GRAMD1B: variants seen among roughly 807,000 people sequenced by gnomAD.
GRAMD1B encodes protein Aster-B.
Under a neutral mutation model 99.7 loss-of-function variants are expected in GRAMD1B, and 37 were observed. The observed-to-expected ratio is 0.37, with a 90% CI of 0.29 to 0.49. GRAMD1B has a LOEUF of 0.49. Among genes scored for constraint, GRAMD1B ranks in the 20% least tolerant of loss-of-function variants. The pLI, the probability that GRAMD1B is intolerant of heterozygous loss-of-function variation, is 0.98. For missense variants in GRAMD1B, 888 were observed against 1,009.2 expected (o/e 0.88, Z 1.63); for synonymous variants, 427 against 387.6 (o/e 1.10, Z -1.19).
rs1261563895 is a variant in GRAMD1B at position 123,622,499 on chromosome 11, C to T, written c.2545-7C>T. The T allele has an allele frequency of 6.5e-7, 1 of 1,537,118 alleles. No individual in the cohort carries two copies. Among genetic ancestry groups the T allele is most frequent in the Admixed American group, 1.9e-5 (1 of 51,446 alleles). Reference sequence around the variant, plus strand: ...CCAGGCCTGGGGTGGGGTTTTCTGTCTTGCAGATGAAGGACTCGCTCATCA... The same window carrying T: ...CCAGGCCTGGGGTGGGGTTTTCTGTTTTGCAGATGAAGGACTCGCTCATCA... On this transcript the variant is annotated splice_region_variant and splice_polypyrimidine_tract_variant and intron_variant, in intron 19 of 19. Coordinates refer to ENST00000635736, the MANE Select transcript of GRAMD1B (RefSeq NM_001387025.1).
At chr11:123,399,489 T>C (rs560905957) in intron 1 of GRAMD1B, among the ~76,000 whole-genome samples, 14 of 152,318 alleles carry the variant, frequency 9.2e-5, no homozygotes, top group African/African-American at 3.1e-4. Flanking sequence ...TTTATTTATT[T>C]ATTTTTTTTG....
chr11:123,586,154 G>C (rs1464352153), intron 4 of GRAMD1B, among the ~76,000 whole-genome samples: 1 of 152,168 alleles, frequency 6.6e-6, no homozygotes, highest in East Asian at 1.9e-4. Flanking sequence ...AGCAGATGCT[G>C]TCTCTTGGCT....
intron 3 of GRAMD1B, among the ~76,000 whole-genome samples, chr11:123,583,709 G>T (rs935185248): frequency 6.6e-6 from 1 of 152,006 alleles, no homozygotes; most frequent in Non-Finnish European, 1.5e-5. Context: ...CACTGGGTTG[G>T]AATGGACCCT....
chr11:123,502,443 T>C (rs1161726079), intron 2 of GRAMD1B, among the ~76,000 whole-genome samples: 4 of 152,130 alleles, frequency 2.6e-5, no homozygotes, highest in Non-Finnish European at 4.4e-5. Context: ...TGGCTTCTCT[T>C]ATACAGATGC....
chr11:123,462,898 A>AT (rs1373246756), intron 1 of GRAMD1B, among the ~76,000 whole-genome samples: 2 of 143,784 alleles, frequency 1.4e-5, no homozygotes, highest in Non-Finnish European at 3.0e-5. Context: ...AATTAAAAAA[A>AT]AAAAAAAAAA....
intron 2 of GRAMD1B, among the ~76,000 whole-genome samples, chr11:123,569,142 A>G (rs1947764047): frequency 6.6e-6 from 1 of 152,074 alleles, no homozygotes; most frequent in South Asian, 2.1e-4. Flanking sequence ...TTATATTCAT[A>G]GCAGTGAGAG....
intron 1 of GRAMD1B, among the ~76,000 whole-genome samples, chr11:123,466,751 A>C (rs1277571000): frequency 6.6e-6 from 1 of 152,184 alleles, no homozygotes; most frequent in Admixed American, 6.5e-5. Flanking sequence ...CAATTCTTAC[A>C]AACTTCAAGT....
intron 1 of GRAMD1B, among the ~76,000 whole-genome samples, chr11:123,468,432 T>C (rs1027134342): frequency 2.0e-5 from 3 of 152,076 alleles, no homozygotes; most frequent in African/African-American, 7.2e-5. Context: ...ATTTATAGTA[T>C]GGTAGAAGGT....
intron 2 of GRAMD1B, chr11:123,560,177 G>C: frequency 1.7e-6 from 1 of 579,374 alleles, no homozygotes. Flanking sequence ...CAGGCGACGT[G>C]TGTGCGTGTG....
chr11:123,537,244 T>A (rs1416411535), intron 2 of GRAMD1B, among the ~76,000 whole-genome samples: 1 of 152,216 alleles, frequency 6.6e-6, no homozygotes, highest in Non-Finnish European at 1.5e-5. Flanking sequence ...AAAACTGAGA[T>A]GCCTCTTCTA....
intron 2 of GRAMD1B, among the ~76,000 whole-genome samples, chr11:123,527,429 C>T: frequency 6.6e-6 from 1 of 152,192 alleles, no homozygotes; most frequent in South Asian, 2.1e-4. Context: ...TTAGTTTCTG[C>T]AAGTGTAACT....
At chr11:123,515,559 C>T (rs74427328) in intron 2 of GRAMD1B, among the ~76,000 whole-genome samples, 2,285 of 152,172 alleles carry the variant, frequency 0.015, 75 homozygotes, top group African/African-American at 0.05. Flanking sequence ...GGTCTTAGAA[C>T]GGAGAGCCTT....
intron 3 of GRAMD1B, among the ~76,000 whole-genome samples, chr11:123,583,396 G>GTC (rs1491546320): frequency 2.0e-4 from 7 of 35,332 alleles, no homozygotes; most frequent in Admixed American, 3.8e-4. Context: ...GTATGTGTGC[G>GTC]TGTGTGTGTG....
chr11:123,467,516 T>G (rs1359851429), intron 1 of GRAMD1B, among the ~76,000 whole-genome samples: 16 of 151,710 alleles, frequency 1.1e-4, no homozygotes, highest in Non-Finnish European at 2.4e-4. Flanking sequence ...TTCCTCATGT[T>G]GGATAACTGA....
chr11:123,400,716 C>T (rs563718593), intron 1 of GRAMD1B, among the ~76,000 whole-genome samples: 2 of 152,156 alleles, frequency 1.3e-5, no homozygotes, highest in Middle Eastern at 3.2e-3. Context: ...AAAGGACTCA[C>T]CTCCTAATTC....
intron 3 of GRAMD1B, among the ~76,000 whole-genome samples, chr11:123,581,145 T>G (rs1949315807): frequency 6.6e-6 from 1 of 152,126 alleles, no homozygotes; most frequent in African/African-American, 2.4e-5. Context: ...TCCAGGGGCC[T>G]TGCATTCCTT....
At chr11:123,436,956 A>G (rs1212916647) in intron 1 of GRAMD1B, among the ~76,000 whole-genome samples, 1 of 151,906 alleles carries the variant, frequency 6.6e-6, no homozygotes, top group African/African-American at 2.4e-5. Context: ...TCCTGTGTCC[A>G]TGTGTTCTCA....
intron 2 of GRAMD1B, among the ~76,000 whole-genome samples, chr11:123,537,500 A>C (rs1944087849): frequency 6.6e-6 from 1 of 152,200 alleles, no homozygotes; most frequent in Admixed American, 6.5e-5. Flanking sequence ...TGAGCTTTTG[A>C]AGGTGATCTG....
intron 4 of GRAMD1B, among the ~76,000 whole-genome samples, chr11:123,593,771 C>T (rs138038771): frequency 6.6e-6 from 1 of 152,224 alleles, no homozygotes; most frequent in Non-Finnish European, 1.5e-5. Flanking sequence ...ATGGTGGATA[C>T]CAGGAAGCAC....
Sources: allele counts gnomAD v4.1 joint callset (sites outside exome capture counted in the v4.1 genomes callset), GRCh38; gene constraint gnomAD v4.1.1; transcripts MANE v1.5; gene names NCBI Gene and HGNC (gene_info 2026-07-23, HGNC 2026-07-21).